The following GPC5 variants were observed in gnomAD, a reference collection of about 807,000 sequenced individuals.
The protein encoded by GPC5 is glypican 5.
In GPC5, 47 loss-of-function variants were observed where a neutral mutation model predicts 53.9. That is an observed-to-expected ratio of 0.87 (90% CI 0.69 to 1.11). GPC5 has a LOEUF of 1.11. Among genes scored for constraint, GPC5 ranks in the 50% most tolerant of loss-of-function variants. The pLI is 0.00. For missense variants in GPC5, 748 were observed against 713.1 expected, an observed-to-expected ratio of 1.05 and a Z score of -0.56; for synonymous variants, 286 against 263.3, an observed-to-expected ratio of 1.09 and a Z score of -0.84.
chr13:92,516,091 A>G (rs1880765651), intron 7 of GPC5, among the ~76,000 whole-genome samples: 1 of 152,158 alleles, frequency 6.6e-6, no homozygotes, highest in Admixed American at 6.5e-5. Context: ...ACCCTTTCTC[A>G]GTATTTAATT....
At chr13:92,425,009 C>G (rs1384099656) in intron 7 of GPC5, among the ~76,000 whole-genome samples, 2 of 151,970 alleles carry the variant, frequency 1.3e-5, no homozygotes, top group African/African-American at 4.8e-5. Context: ...AAAATGAAGC[C>G]TTTTGTTACA....
chr13:92,559,647 C>T (rs926714842), intron 7 of GPC5, among the ~76,000 whole-genome samples: 7 of 151,670 alleles, frequency 4.6e-5, no homozygotes, highest in African/African-American at 1.7e-4. Context: ...TTAGAGCCTA[C>T]TAACATTATT....
At chr13:92,740,009 C>G (rs1177959580) in intron 7 of GPC5, among the ~76,000 whole-genome samples, 1 of 152,036 alleles carries the variant, frequency 6.6e-6, no homozygotes, top group Non-Finnish European at 1.5e-5. Flanking sequence ...TACCTCAGTA[C>G]AGCCCATTGG....
chr13:92,589,472 A>G (rs1883648368), intron 7 of GPC5, among the ~76,000 whole-genome samples: 1 of 152,166 alleles, frequency 6.6e-6, no homozygotes, highest in Non-Finnish European at 1.5e-5. Flanking sequence ...CTGCCCCATT[A>G]TGCCCAACAT....
chr13:92,295,126 G>C (rs192210257), intron 7 of GPC5, among the ~76,000 whole-genome samples: 4 of 152,024 alleles, frequency 2.6e-5, no homozygotes, highest in South Asian at 2.1e-4. Flanking sequence ...CACCATGCCC[G>C]GCCCAAACTT....
chr13:92,791,426 G>T (rs550172890), intron 7 of GPC5, among the ~76,000 whole-genome samples: 47 of 147,102 alleles, frequency 3.2e-4, no homozygotes, highest in South Asian at 3.0e-3. Context: ...TGAGTGTGTG[G>T]GGGGGGGCGG....
chr13:92,553,621 G>A (rs1279012689), intron 7 of GPC5, among the ~76,000 whole-genome samples: 3 of 151,926 alleles, frequency 2.0e-5, no homozygotes, highest in Non-Finnish European at 4.4e-5. Flanking sequence ...CGAAGCCGAG[G>A]GAACAGAGAG....
At chr13:92,019,368 T>G (rs1338809632) in intron 6 of GPC5, among the ~76,000 whole-genome samples, 1 of 152,128 alleles carries the variant, frequency 6.6e-6, no homozygotes, top group East Asian at 1.9e-4. Context: ...CTTATGTACG[T>G]GATTGTAACA....
At chr13:91,871,955 C>A (rs1302157534) in intron 5 of GPC5, among the ~76,000 whole-genome samples, 1 of 151,924 alleles carries the variant, frequency 6.6e-6, no homozygotes, top group African/African-American at 2.4e-5. Context: ...TCACCGAAGG[C>A]AAAATTGCGG....
intron 7 of GPC5, among the ~76,000 whole-genome samples, chr13:92,236,396 G>T (rs2042569826): frequency 6.6e-6 from 1 of 151,896 alleles, no homozygotes; most frequent in Non-Finnish European, 1.5e-5. Flanking sequence ...AACCTATATA[G>T]TAACTTAATT....
chr13:91,745,408 T>C (rs1302209393), intron 4 of GPC5, among the ~76,000 whole-genome samples: 2 of 149,522 alleles, frequency 1.3e-5, no homozygotes, highest in African/African-American at 5.0e-5. Flanking sequence ...GAAACACCTG[T>C]TTGAAAAGAA....
intron 7 of GPC5, among the ~76,000 whole-genome samples, chr13:92,640,093 A>G (rs1885540463): frequency 6.6e-6 from 1 of 151,964 alleles, no homozygotes. Flanking sequence ...TATGAGACAG[A>G]TATATATGTA....
chr13:92,520,843 C>T (rs1372986879), intron 7 of GPC5, among the ~76,000 whole-genome samples: 1 of 152,132 alleles, frequency 6.6e-6, no homozygotes, highest in Non-Finnish European at 1.5e-5. Context: ...GTCAAATTGT[C>T]CCTGTTTGCA....
chr13:92,481,347 C>T (rs1456833222), intron 7 of GPC5, among the ~76,000 whole-genome samples: 3 of 152,106 alleles, frequency 2.0e-5, no homozygotes, highest in Non-Finnish European at 2.9e-5. Context: ...GTGATCCGCC[C>T]ACCTTGGCCT....
At position 92,174,451 on chromosome 13, in the gene GPC5, C is replaced by T. The variant is rs181420496; in HGVS notation, c.1561+29462C>T. On this transcript the variant is annotated intron_variant, in intron 7 of 7. Coordinates refer to ENST00000377067, the MANE Select transcript of GPC5 (RefSeq NM_004466.6). Reference sequence around the variant, plus strand: ...TCGGGAGGCTGAGGCAGGAGAACCGCGTGAACCCGGGAGGCGGGGCTTGCA... The same window carrying T: ...TCGGGAGGCTGAGGCAGGAGAACCGTGTGAACCCGGGAGGCGGGGCTTGCA... Among the ~76,000 whole-genome samples the T allele has an allele frequency of 4.1e-3, 614 of 151,206 alleles. 19 individuals carry two copies. Among genetic ancestry groups the T allele is most frequent in the Non-Finnish European group, 1.1e-3 (72 of 67,830 alleles).
chr13:91,715,798 C>G (rs1286610626), intron 3 of GPC5, among the ~76,000 whole-genome samples: 5 of 148,138 alleles, frequency 3.4e-5, no homozygotes, highest in African/African-American at 1.0e-4. Flanking sequence ...CTCTCTCTCT[C>G]TCTGTGTGTG....
At chr13:91,800,567 C>G (rs559777126) in intron 5 of GPC5, among the ~76,000 whole-genome samples, 1 of 152,176 alleles carries the variant, frequency 6.6e-6, no homozygotes, top group South Asian at 2.1e-4. Flanking sequence ...TCACTGTTTA[C>G]GTTTTCAATC....
At chr13:92,170,667 C>T (rs781194339) in intron 7 of GPC5, among the ~76,000 whole-genome samples, 79 of 152,034 alleles carry the variant, frequency 5.2e-4, no homozygotes, top group African/African-American at 1.8e-3. Flanking sequence ...TCAGGTGATC[C>T]GCCTGCCTCA....
At chr13:91,998,631 C>A (rs1160011790) in intron 6 of GPC5, among the ~76,000 whole-genome samples, 1 of 152,128 alleles carries the variant, frequency 6.6e-6, no homozygotes, top group Non-Finnish European at 1.5e-5. Context: ...TAAAATGGAA[C>A]CCAATGTCTC....
Sources: allele counts gnomAD v4.1 joint callset (sites outside exome capture counted in the v4.1 genomes callset), GRCh38; gene constraint gnomAD v4.1.1; transcripts MANE v1.5; gene names NCBI Gene and HGNC (gene_info 2026-07-23, HGNC 2026-07-21).